Variants in DNAAF6 observed in about 807,000 individuals in gnomAD.
The protein encoded by DNAAF6 is PIH1 domain containing 3.
Under a neutral mutation model 13.7 loss-of-function variants are expected in DNAAF6, and 3 were observed. That is an observed-to-expected ratio of 0.22 (90% CI 0.10 to 0.56). The LOEUF (loss-of-function observed/expected upper bound fraction) is 0.56, where lower values mean the gene tolerates loss of function less well. Ranked by LOEUF, DNAAF6 falls within the 20% of genes least tolerant of loss-of-function variation. The pLI, the probability that DNAAF6 is intolerant of heterozygous loss-of-function variation, is 0.92. For missense variants in DNAAF6, 130 were observed against 151.0 expected, an observed-to-expected ratio of 0.86 and a Z score of 0.73; for synonymous variants, 54 against 49.2, an observed-to-expected ratio of 1.10 and a Z score of -0.41.
At chrX:107,231,897 G>A (rs1487605644) in intron 5 of DNAAF6, among the ~76,000 whole-genome samples, 2 of 111,002 alleles carry the variant, frequency 1.8e-5, no homozygotes, top group Middle Eastern at 8.4e-3. Flanking sequence ...TCACTCTGTT[G>A]CCCAGGCTAG....
At chrX:107,207,940 C>T (rs1054881939) in intron 1 of DNAAF6, among the ~76,000 whole-genome samples, 2 of 110,698 alleles carry the variant, frequency 1.8e-5, no homozygotes, top group African/African-American at 3.3e-5. Context: ...AGTTCTCATA[C>T]TCCACCTGTA....
intron 5 of DNAAF6, among the ~76,000 whole-genome samples, chrX:107,236,638 G>A (rs1471571315): frequency 8.9e-6 from 1 of 111,863 alleles, no homozygotes; most frequent in Non-Finnish European, 1.9e-5. Flanking sequence ...TTAGTGAGTT[G>A]TTTCTGAATT....
At chrX:107,211,497 T>C (rs1207072126) in intron 1 of DNAAF6, among the ~76,000 whole-genome samples, 1 of 112,195 alleles carries the variant, frequency 8.9e-6, no homozygotes, top group Admixed American at 9.5e-5. Flanking sequence ...AATTTGGAAG[T>C]CCAATTGTAC....
At chrX:107,237,036 A>AT (rs888085212) in intron 5 of DNAAF6, among the ~76,000 whole-genome samples, 1 of 111,931 alleles carries the variant, frequency 8.9e-6, no homozygotes, top group East Asian at 2.8e-4. Flanking sequence ...TTAGGAGGCA[A>AT]TTTTTTGTTG....
At chrX:107,228,539 A>C (rs1438957821) in intron 5 of DNAAF6, among the ~76,000 whole-genome samples, 1 of 107,756 alleles carries the variant, frequency 9.3e-6, no homozygotes, top group Non-Finnish European at 1.9e-5. Flanking sequence ...AGAGCTAATG[A>C]ACAAACAGTA....
At chrX:107,242,445 G>A (rs1424437150) in intron 6 of DNAAF6, among the ~76,000 whole-genome samples, 1 of 112,189 alleles carries the variant, frequency 8.9e-6, no homozygotes, top group Non-Finnish European at 1.9e-5. Context: ...CTGAAAATGC[G>A]AGGTAACAAG....
intron 2 of DNAAF6, among the ~76,000 whole-genome samples, chrX:107,213,970 C>T (rs1927919075): frequency 8.9e-6 from 1 of 111,843 alleles, no homozygotes; most frequent in South Asian, 3.7e-4. Context: ...AAAAAGCAAG[C>T]TATGAACAGG....
At chrX:107,216,633 A>G (rs1569372052) in intron 2 of DNAAF6, 38 bp from the exon 3 acceptor site, 1 of 1,004,681 alleles carries the variant, frequency 1.0e-6, no homozygotes. Context: ...TTATACAAGT[A>G]TTAATTACAG....
chrX:107,240,622 G>A (rs1017269414), intron 6 of DNAAF6, among the ~76,000 whole-genome samples: 3 of 111,311 alleles, frequency 2.7e-5, no homozygotes, highest in Non-Finnish European at 5.7e-5. Context: ...AATTTCATTC[G>A]AATTACCAAT....
intron 3 of DNAAF6, 30 bp downstream of exon 3, chrX:107,216,773 A>G: frequency 9.6e-7 from 1 of 1,040,671 alleles, no homozygotes; most frequent in Non-Finnish European, 1.3e-6. Flanking sequence ...AATATAGATC[A>G]ATATAATCTT....
At chrX:107,222,233 A>T (rs1928162524) in intron 4 of DNAAF6, among the ~76,000 whole-genome samples, 1 of 111,518 alleles carries the variant, frequency 9.0e-6, no homozygotes, top group African/African-American at 3.3e-5. Context: ...CCCATAAATC[A>T]TACAAATGTA....
rs1174155667 is a variant in DNAAF6, at chrX:107,238,964, A to G, written c.472A>G (p.Ile158Val). The change falls in exon 6 of 7, where the codon ATT (isoleucine) becomes GTT (valine). Residue 158 changes from isoleucine to valine, a missense_variant. Transcript: ENST00000372453. ...LPNTNPSDIQ[I>V]DIQETILDLR... ...AAATACAAACCCTTCTGATATTCAA[A>G]TTGATATCCAGGAAACAATCCTTGA... The G allele has an allele frequency of 5.0e-6, 6 of 1,208,844 alleles. No individual in the cohort carries two copies. Among genetic ancestry groups the G allele is most frequent in the Non-Finnish European group, 6.7e-6 (6 of 894,778 alleles).
At chrX:107,240,435 C>T (rs1928602271) in intron 6 of DNAAF6, among the ~76,000 whole-genome samples, 1 of 111,614 alleles carries the variant, frequency 9.0e-6, no homozygotes, top group South Asian at 3.7e-4. Context: ...GTCTTGTTTT[C>T]GAGTTTATTG....
chrX:107,238,620 C>A, intron 5 of DNAAF6, among the ~76,000 whole-genome samples: 1 of 111,609 alleles, frequency 9.0e-6, no homozygotes, highest in Middle Eastern at 4.6e-3. Context: ...TACTATGTAC[C>A]TTCAGAAAAT....
At chrX:107,206,733 C>T (rs1199706577) in intron 1 of DNAAF6, 43 bp downstream of exon 1, 1 of 110,950 alleles carries the variant, frequency 9.0e-6, no homozygotes, top group Non-Finnish European at 1.9e-5. Flanking sequence ...ACAGGGTCCT[C>T]AGATGCTGTG....
chrX:107,219,146 A>G (rs1196584924), intron 4 of DNAAF6, among the ~76,000 whole-genome samples, 177 bp downstream of exon 4: 1 of 112,431 alleles, frequency 8.9e-6, no homozygotes, highest in Admixed American at 9.5e-5. Flanking sequence ...AGAAACAAAT[A>G]ATAAAGCATA....
At chrX:107,237,469 T>TTC (rs1928539362) in intron 5 of DNAAF6, among the ~76,000 whole-genome samples, 1 of 112,204 alleles carries the variant, frequency 8.9e-6, no homozygotes, top group Admixed American at 9.5e-5. Flanking sequence ...ATGTAGAGAG[T>TTC]AAGAGATAGA....
At chrX:107,231,838 A>G (rs968549520) in intron 5 of DNAAF6, among the ~76,000 whole-genome samples, 3 of 111,695 alleles carry the variant, frequency 2.7e-5, no homozygotes, top group African/African-American at 9.7e-5. Context: ...ATCTTTTTAA[A>G]TTGATAGATA....
chrX:107,219,821 G>A (rs1462480084), intron 4 of DNAAF6, among the ~76,000 whole-genome samples: 3 of 103,940 alleles, frequency 2.9e-5, no homozygotes, highest in African/African-American at 1.1e-4. Context: ...TTTTTAGACA[G>A]AGTCTTGCTC....
Sources: allele counts gnomAD v4.1 joint callset (sites outside exome capture counted in the v4.1 genomes callset), GRCh38; gene constraint gnomAD v4.1.1; transcripts MANE v1.5; gene names NCBI Gene and HGNC (gene_info 2026-07-23, HGNC 2026-07-21).